PRMT3: variants seen among roughly 807,000 people sequenced by gnomAD.
PRMT3 encodes the protein protein arginine methyltransferase 3.
A neutral mutation model predicts 71.9 loss-of-function variants in PRMT3; 62 were observed. The ratio of observed to expected loss-of-function variants is 0.86; its 90% CI spans 0.70 to 1.07. The LOEUF (loss-of-function observed/expected upper bound fraction) is 1.07. Ranked by LOEUF, PRMT3 falls within the 50% of genes least tolerant of loss-of-function variation. PRMT3 has a pLI of 0.00. For synonymous variants in PRMT3, 213 were observed against 220.4 expected, an observed-to-expected ratio of 0.97 and a Z score of 0.30; for missense variants, 663 against 643.0, an observed-to-expected ratio of 1.03 and a Z score of -0.34.
chr11:20,490,973 T>G (rs901378312), intron 13 of PRMT3, among the ~76,000 whole-genome samples: 4 of 152,204 alleles, frequency 2.6e-5, no homozygotes, highest in Admixed American at 2.0e-4. Context: ...ATCAGTGTCT[T>G]TTTCTTTTCC....
chr11:20,501,045 T>G (rs1417798963), intron 15 of PRMT3, among the ~76,000 whole-genome samples: 1 of 152,170 alleles, frequency 6.6e-6, no homozygotes, highest in East Asian at 1.9e-4. Context: ...AACTTTTATT[T>G]TTCTTGCTTT....
chr11:20,494,657 G>A (rs1467299039), intron 15 of PRMT3, among the ~76,000 whole-genome samples: 1 of 152,098 alleles, frequency 6.6e-6, no homozygotes, highest in Admixed American at 6.5e-5. Flanking sequence ...TATAACAGAT[G>A]TTAAGAAAAG....
At chr11:20,454,750 G>T (rs1325428425) in intron 11 of PRMT3, among the ~76,000 whole-genome samples, 1 of 152,066 alleles carries the variant, frequency 6.6e-6, no homozygotes, top group East Asian at 1.9e-4. Context: ...GTGATAGAAA[G>T]AATGAATGCA....
chr11:20,411,548 A>T (rs900833376), intron 9 of PRMT3, among the ~76,000 whole-genome samples: 2 of 152,136 alleles, frequency 1.3e-5, no homozygotes, highest in Non-Finnish European at 2.9e-5. Flanking sequence ...ATAGATAAGA[A>T]GTGCAGTGAA....
chr11:20,470,110 A>G (rs1850608515), intron 13 of PRMT3, among the ~76,000 whole-genome samples: 1 of 152,216 alleles, frequency 6.6e-6, no homozygotes, highest in Admixed American at 6.5e-5. Flanking sequence ...GCTATATACT[A>G]TAGCCTGTTG....
At chr11:20,487,917 A>G (rs947675207) in intron 13 of PRMT3, among the ~76,000 whole-genome samples, 7 of 152,170 alleles carry the variant, frequency 4.6e-5, no homozygotes, top group Non-Finnish European at 8.8e-5. Context: ...GAAATATTCT[A>G]TGTAGATCAG....
rs375622262 is a variant in PRMT3, at chr11:20,402,259, A to G, written c.706-660A>G. 9.2e-5 allele frequency among the ~76,000 whole-genome samples: 14 copies of G among 152,170 alleles called. No homozygotes were observed. In the East Asian group the frequency reaches 1.9e-3, roughly 21 times the overall value. ...CTCAGCCTCCCCAGTAGCTAGGATT[A>G]CAGGCATGCGCCACCACACCCGACT... On this transcript the variant is annotated intron_variant, in intron 7 of 15. Transcript: ENST00000331079.
intron 13 of PRMT3, among the ~76,000 whole-genome samples, chr11:20,467,176 G>GTAGT (rs1367919796): frequency 1.3e-5 from 2 of 152,152 alleles, no homozygotes; most frequent in African/African-American, 4.8e-5. Flanking sequence ...AAATATTTTA[G>GTAGT]TAGTTAGCAT....
chr11:20,388,450 C>T (rs1848644909), intron 2 of PRMT3, among the ~76,000 whole-genome samples: 1 of 152,228 alleles, frequency 6.6e-6, no homozygotes, highest in Admixed American at 6.5e-5. Flanking sequence ...AACTCTGCAC[C>T]TGAATCCTTC....
intron 10 of PRMT3, among the ~76,000 whole-genome samples, chr11:20,447,740 C>CAGCT (rs1361087691): frequency 6.6e-6 from 1 of 152,022 alleles, no homozygotes; most frequent in Non-Finnish European, 1.5e-5. Flanking sequence ...AAGCCACCTT[C>CAGCT]AGCTTGCTGC....
intron 12 of PRMT3, among the ~76,000 whole-genome samples, chr11:20,462,876 GA>G (rs768193840): frequency 0.011 from 1,535 of 139,432 alleles, 31 homozygotes; most frequent in African/African-American, 0.036. Flanking sequence ...TGTCTCAAGA[GA>G]AAAAAAAAAA....
At chr11:20,462,256 G>A in intron 12 of PRMT3, 89 bp downstream of exon 12, 1 of 1,078,504 alleles carries the variant, frequency 9.3e-7, no homozygotes, top group Non-Finnish European at 1.3e-6. Flanking sequence ...TTTTATATAT[G>A]GGCTTTCAAA....
rs1332412354 is a variant in PRMT3 at position 20,452,123 on chromosome 11, T to A, written c.994-7T>A. On this transcript the variant is annotated splice_polypyrimidine_tract_variant and splice_region_variant and intron_variant, in intron 10 of 15. Coordinates refer to ENST00000331079, the MANE Select transcript of PRMT3 (RefSeq NM_005788.4). ...CTAAACTCTTTTTTTCCCCTTTTTT[T>A]ATGCAGGGCTATTTTCTTCTGTTTG... 2 of 1,589,358 alleles carry A rather than the reference T, an allele frequency of 1.3e-6. No homozygotes were observed. The highest frequency in any genetic ancestry group is 2.7e-5 in the African/African-American group (2 of 74,258).
intron 11 of PRMT3, among the ~76,000 whole-genome samples, chr11:20,459,185 T>C (rs1850330283): frequency 2.0e-5 from 3 of 152,082 alleles, no homozygotes; most frequent in Admixed American, 2.0e-4. Context: ...CTATGGGCCA[T>C]AGTCTGCTGA....
At chr11:20,498,898 T>C (rs1851394921) in intron 15 of PRMT3, among the ~76,000 whole-genome samples, 1 of 152,196 alleles carries the variant, frequency 6.6e-6, no homozygotes, top group Admixed American at 6.5e-5. Context: ...ACAAATTTAT[T>C]TTCAGCAGAC....
At position 20,392,977 on chromosome 11, in the gene PRMT3, A is replaced by G; in HGVS notation, c.378A>G (p.Glu126=). 1 of 1,601,616 alleles carries G rather than the reference A, an allele frequency of 6.2e-7. No individual in the cohort carries two copies. Among genetic ancestry groups the G allele is most frequent in the Non-Finnish European group, 8.6e-7 (1 of 1,168,740 alleles). The change falls in exon 5 of 16, where the codon GAA becomes GAG. Residue 126 remains glutamate, a synonymous_variant. Transcript: ENST00000331079. ...EKEEYLKPVL[E]DDLLLQFDVE... is the part of the protein sequence containing the mutation. ...AAGAGTATTTGAAGCCAGTATTAGAAGATGACCTTTTACTTCAATTTGGTA... is the reference window on the plus strand; with the variant it reads ...AAGAGTATTTGAAGCCAGTATTAGAGGATGACCTTTTACTTCAATTTGGTA...
chr11:20,414,369 A>G (rs1385969129), intron 9 of PRMT3, among the ~76,000 whole-genome samples: 1 of 152,190 alleles, frequency 6.6e-6, no homozygotes, highest in Non-Finnish European at 1.5e-5. Flanking sequence ...GAATAAAACA[A>G]TATAGATTTT....
chr11:20,493,824 G>A lies in PRMT3; in HGVS notation c.1348-95G>A, dbSNP rs1024537336. ...TTAAGAGGTATTTAGTCTCTGAAAT[G>A]GTTTATCATTTGCCATGTCTTAAGA... is the stretch of plus-strand genomic sequence containing the variant. On this transcript the variant is annotated intron_variant, in intron 13 of 15. Transcript: ENST00000331079. 15 of 813,084 alleles carry A rather than the reference G, an allele frequency of 1.8e-5. No homozygotes were observed. In the African/African-American group the frequency reaches 2.6e-4, roughly 14 times the overall value. 50.4% of individuals were successfully genotyped at this position (813,084 alleles called of 1,614,324 possible). A position where few individuals can be genotyped will look rare whatever the true frequency, so the allele number is the denominator to read the frequency against.
At chr11:20,431,320 G>C (rs1228873188) in intron 10 of PRMT3, among the ~76,000 whole-genome samples, 1 of 152,084 alleles carries the variant, frequency 6.6e-6, no homozygotes, top group Non-Finnish European at 1.5e-5. Context: ...CTGTGCCTCA[G>C]TTTCCTTCTC....
Sources: gnomAD v4.1 joint callset for allele counts (sites outside exome capture counted in the v4.1 genomes callset) on GRCh38, gnomAD v4.1.1 for gene constraint, MANE v1.5 for transcripts, NCBI Gene and HGNC (gene_info 2026-07-23, HGNC 2026-07-21) for gene names.